CEP83: variants seen among roughly 807,000 people sequenced by gnomAD.
The protein encoded by CEP83 is centrosomal protein of 83 kDa.
A neutral mutation model predicts 101.9 loss-of-function variants in CEP83; 70 were observed. That is an observed-to-expected ratio of 0.69 (90% CI 0.57 to 0.84). The LOEUF (loss-of-function observed/expected upper bound fraction) is 0.84, where lower values mean the gene tolerates loss of function less well. CEP83 is among the 40% of genes least tolerant of loss of function. CEP83 has a pLI of 0.00. For synonymous variants in CEP83, 264 were observed against 267.9 expected (o/e 0.99, Z 0.14); for missense variants, 715 against 787.2 (o/e 0.91, Z 1.10).
chr12:94,436,026 G>A (rs1435222704), intron 1 of CEP83, among the ~76,000 whole-genome samples: 1 of 151,822 alleles, frequency 6.6e-6, no homozygotes, highest in African/African-American at 2.4e-5. Context: ...ATCCCTAGGG[G>A]AAGGGGGTGA....
In CEP83 at chr12:94,411,679, T is replaced by G. The variant is rs1406029531; in HGVS notation, c.324+18A>C. On this transcript the variant is annotated intron_variant, in intron 4 of 16. Coordinates refer to ENST00000397809, the MANE Select transcript of CEP83 (RefSeq NM_016122.3). ...GACTGCTTTTATACTAACTCAAAAC[T>G]CAAATATATTTTCTCACCTGCAGTT... 3.2e-6 allele frequency: 5 copies of G among 1,579,284 alleles called. No individual in the cohort carries two copies. The highest frequency in any genetic ancestry group is 1.9e-5 in the Admixed American group (1 of 53,466).
At chr12:94,338,839 T>C (rs1015110025) in intron 11 of CEP83, among the ~76,000 whole-genome samples, 2 of 152,188 alleles carry the variant, frequency 1.3e-5, no homozygotes, top group Admixed American at 6.5e-5. Flanking sequence ...AATGGAAACT[T>C]TGGAATAACA....
intron 11 of CEP83, among the ~76,000 whole-genome samples, chr12:94,354,207 T>C (rs1043818994): frequency 4.6e-5 from 7 of 152,126 alleles, no homozygotes. Context: ...CTTTTTTTTT[T>C]TGAGATGGAG....
At chr12:94,332,868 TA>T (rs1298679641) in intron 13 of CEP83, among the ~76,000 whole-genome samples, 1 of 151,900 alleles carries the variant, frequency 6.6e-6, no homozygotes, top group East Asian at 1.9e-4. Context: ...TAGATTAAAA[TA>T]AAAACTTACT....
chr12:94,282,326 A>T, the CEP83 span: 1 of 1,614,000 alleles, frequency 6.2e-7, no homozygotes, highest in Non-Finnish European at 8.5e-7. Context: ...GACAGAAAGA[A>T]CTTCTGGACA....
chr12:94,318,400 A>C (rs2365452), intron 14 of CEP83, among the ~76,000 whole-genome samples: 44,586 of 151,790 alleles, frequency 0.29, 6,895 homozygotes, highest in South Asian at 0.35. Context: ...GATGCCCTTT[A>C]TTTCTTTCTT....
intron 2 of CEP83, among the ~76,000 whole-genome samples, chr12:94,421,358 C>A (rs2064728139): frequency 6.6e-6 from 1 of 152,030 alleles, no homozygotes; most frequent in African/African-American, 2.4e-5. Context: ...TGCAACCAAC[C>A]TTATAATTCA....
At chr12:94,445,234 CTT>C (rs1168810907) in intron 1 of CEP83, among the ~76,000 whole-genome samples, 1 of 151,856 alleles carries the variant, frequency 6.6e-6, no homozygotes, top group Non-Finnish European at 1.5e-5. Context: ...AAAGGATAGT[CTT>C]TTCAACAAAT....
chr12:94,454,458 T>C (rs1198228787), intron 1 of CEP83, among the ~76,000 whole-genome samples: 1 of 152,212 alleles, frequency 6.6e-6, no homozygotes. Context: ...ACTAAAGGTT[T>C]GTAAACGCAC....
At chr12:94,399,723 T>C (rs1432170818) in intron 6 of CEP83, among the ~76,000 whole-genome samples, 1 of 152,160 alleles carries the variant, frequency 6.6e-6, no homozygotes, top group African/African-American at 2.4e-5. Flanking sequence ...GACCTCCTCT[T>C]GATCAATCAA....
chr12:94,441,546 G>A (rs2066396965), intron 1 of CEP83, among the ~76,000 whole-genome samples: 1 of 152,164 alleles, frequency 6.6e-6, no homozygotes, highest in Non-Finnish European at 1.5e-5. Context: ...GTAGTGAAAA[G>A]GGAACACTTT....
downstream of CEP83, among the ~76,000 whole-genome samples, chr12:94,304,791 G>GAGGGA (rs1406251136): frequency 2.6e-5 from 4 of 152,204 alleles, no homozygotes; most frequent in Non-Finnish European, 5.9e-5. Flanking sequence ...GCCCAGATGG[G>GAGGGA]AGGGAAGGGA....
intron 2 of CEP83, among the ~76,000 whole-genome samples, chr12:94,417,165 AG>A (rs1566143795): frequency 1.3e-5 from 2 of 151,544 alleles, no homozygotes; most frequent in Admixed American, 1.3e-4. Context: ...AACAAAAAAA[AG>A]TCATTAGCTA....
chr12:94,436,275 T>C (rs890658604), intron 1 of CEP83, among the ~76,000 whole-genome samples: 7 of 151,678 alleles, frequency 4.6e-5, no homozygotes, highest in Non-Finnish European at 8.8e-5. Context: ...GGTTGATTAT[T>C]AAGCTACTCA....
At chr12:94,268,373 C>T in the CEP83 span, among the ~76,000 whole-genome samples, 1 of 152,224 alleles carries the variant, frequency 6.6e-6, no homozygotes, top group South Asian at 2.1e-4. Context: ...CAAGCAAAGT[C>T]CCCTAGAGCC....
intron 6 of CEP83, among the ~76,000 whole-genome samples, chr12:94,386,328 G>A (rs2062145243): frequency 6.6e-6 from 1 of 152,124 alleles, no homozygotes; most frequent in Admixed American, 6.5e-5. Flanking sequence ...GTGAACTCTA[G>A]AGACTGTCCC....
chr12:94,424,992 A>G, intron 2 of CEP83: 2 of 1,109,380 alleles, frequency 1.8e-6, no homozygotes, highest in Non-Finnish European at 2.5e-6. Flanking sequence ...TTAGGGAACG[A>G]GTGAGAGAGA....
At chr12:94,282,505 C>G in the CEP83 span, 1 of 769,006 alleles carries the variant, frequency 1.3e-6, no homozygotes, top group African/African-American at 1.7e-5. Context: ...CCTGGAATGA[C>G]TTGCAGATCG....
chr12:94,389,530 C>A (rs191754778), intron 6 of CEP83, among the ~76,000 whole-genome samples: 1 of 152,178 alleles, frequency 6.6e-6, no homozygotes, highest in African/African-American at 2.4e-5. Flanking sequence ...GGAACAGCTC[C>A]GGTCTGCAGC....
Sources: gnomAD v4.1 joint callset for allele counts (sites outside exome capture counted in the v4.1 genomes callset) on GRCh38, gnomAD v4.1.1 for gene constraint, MANE v1.5 for transcripts, NCBI Gene and HGNC (gene_info 2026-07-23, HGNC 2026-07-21) for gene names.